The following RALA variants were observed in gnomAD, a reference collection of about 807,000 sequenced individuals.
The protein encoded by RALA is ras-related protein Ral-A.
Under a neutral mutation model 24.0 loss-of-function variants are expected in RALA, and 5 were observed. The ratio of observed to expected loss-of-function variants is 0.21; its 90% CI spans 0.11 to 0.44. The LOEUF is 0.44. Ranked by LOEUF, RALA falls within the 20% of genes least tolerant of loss-of-function variation. The pLI is 0.99. For synonymous variants in RALA, 77 were observed against 83.8 expected, an observed-to-expected ratio of 0.92 and a Z score of 0.44; for missense variants, 95 against 241.2, an observed-to-expected ratio of 0.39 and a Z score of 4.01.
At chr7:39,661,600 C>G (rs895896270) in intron 1 of RALA, among the ~76,000 whole-genome samples, 1 of 152,230 alleles carries the variant, frequency 6.6e-6, no homozygotes, top group Non-Finnish European at 1.5e-5. Flanking sequence ...TGTCTCACAT[C>G]CAGGTCACTC....
chr7:39,632,733 C>G (rs981653901), intron 1 of RALA, among the ~76,000 whole-genome samples: 8 of 152,192 alleles, frequency 5.3e-5, no homozygotes, highest in African/African-American at 1.7e-4. Flanking sequence ...GGGAGGATCA[C>G]TTGAGCCCAG....
intron 2 of RALA, 130 bp downstream of exon 2, chr7:39,686,911 T>A (rs1323961619): frequency 1.5e-6 from 1 of 651,638 alleles, no homozygotes. Context: ...TTCATTTTTG[T>A]GTTTAGAGCC....
intron 1 of RALA, among the ~76,000 whole-genome samples, chr7:39,633,592 A>T (rs1791634858): frequency 1.3e-5 from 2 of 152,194 alleles, no homozygotes; most frequent in African/African-American, 4.8e-5. Flanking sequence ...GGCGATTATA[A>T]TTCAAGATGA....
chr7:39,695,166 G>A (rs553215641), intron 3 of RALA, among the ~76,000 whole-genome samples: 95 of 151,656 alleles, frequency 6.3e-4, no homozygotes, highest in Middle Eastern at 6.8e-3. Context: ...AAATATAGTC[G>A]TCCCTCAGTA....
At chr7:39,635,198 A>G (rs903288369) in intron 1 of RALA, among the ~76,000 whole-genome samples, 1 of 152,098 alleles carries the variant, frequency 6.6e-6, no homozygotes, top group Non-Finnish European at 1.5e-5. Context: ...TTAGCCAAGC[A>G]TCTCTACAAA....
intron 1 of RALA, among the ~76,000 whole-genome samples, chr7:39,647,385 T>C (rs781238932): frequency 1.3e-5 from 2 of 152,172 alleles, no homozygotes; most frequent in Non-Finnish European, 2.9e-5. Flanking sequence ...TCTCCGCTCA[T>C]GAGGCTTACT....
chr7:39,662,638 A>G (rs1233879885), intron 1 of RALA, among the ~76,000 whole-genome samples: 3 of 152,078 alleles, frequency 2.0e-5, no homozygotes, highest in Non-Finnish European at 1.5e-5. Flanking sequence ...ATCTGAGACC[A>G]CCTCAGCCTG....
chr7:39,695,044 G>T (rs1208296659), intron 3 of RALA, among the ~76,000 whole-genome samples: 3 of 150,540 alleles, frequency 2.0e-5, no homozygotes, highest in Non-Finnish European at 4.4e-5. Flanking sequence ...GGGTGACAGA[G>T]TAAGACCCTG....
chr7:39,647,291 C>G (rs528618437), intron 1 of RALA, among the ~76,000 whole-genome samples: 1 of 152,304 alleles, frequency 6.6e-6, no homozygotes, highest in South Asian at 2.1e-4. Context: ...GGTACACCCC[C>G]CTTGATCTCC....
At chr7:39,684,748 A>G (rs1463609121) in intron 1 of RALA, among the ~76,000 whole-genome samples, 1 of 151,966 alleles carries the variant, frequency 6.6e-6, no homozygotes, top group East Asian at 1.9e-4. Flanking sequence ...AAGTTGCATA[A>G]TGTTTTAAGA....
intron 4 of RALA, among the ~76,000 whole-genome samples, chr7:39,698,785 T>C (rs996040355): frequency 1.3e-5 from 2 of 152,024 alleles, no homozygotes; most frequent in African/African-American, 4.8e-5. Context: ...CCCTGGGAAG[T>C]ATGGTGTCTG....
At chr7:39,624,287 GTTTGTTTGT>G (rs1791437449) in intron 1 of RALA, 1 of 139,772 alleles carries the variant, frequency 7.2e-6, no homozygotes, top group Non-Finnish European at 1.5e-5. Flanking sequence ...AGGGTTTTTT[GTTTGTTTGT>G]TTTGTTTGTT....
At chr7:39,684,018 G>C (rs1306179833) in intron 1 of RALA, among the ~76,000 whole-genome samples, 1 of 152,192 alleles carries the variant, frequency 6.6e-6, no homozygotes, top group Non-Finnish European at 1.5e-5. Context: ...ACTTCCTGAT[G>C]TATTTAGGAA....
At position 39,707,712 on chromosome 7, in the gene RALA, C is replaced by T. The variant is rs1793143884; in HGVS notation, c.*1467C>T. ...AGGTCAAAGATGTGTTCAGGCATTC[C>T]AGGTAACAGGTGTGTATGTAAAGTT... On this transcript the variant is annotated 3_prime_UTR_variant, in exon 5 of 5. Transcript: ENST00000005257. 6.6e-6 allele frequency: 1 copy of T among 152,486 alleles called. No individual in the cohort carries two copies. The highest frequency in any genetic ancestry group is 2.1e-4 in the South Asian group (1 of 4,828). The allele number at this position is 152,486 out of a possible 1,614,324, so 9.4% of individuals were successfully genotyped here. A position where few individuals can be genotyped will look rare whatever the true frequency, so the allele number is the denominator to read the frequency against.
At chr7:39,688,579 A>T (rs901038851) in intron 2 of RALA, among the ~76,000 whole-genome samples, 3 of 142,766 alleles carry the variant, frequency 2.1e-5, no homozygotes, top group African/African-American at 7.9e-5. Flanking sequence ...CACATGCCTA[A>T]TTTTTTTTTT....
At chr7:39,688,962 A>G (rs1792760924) in intron 2 of RALA, among the ~76,000 whole-genome samples, 1 of 151,830 alleles carries the variant, frequency 6.6e-6, no homozygotes, top group Admixed American at 6.6e-5. Context: ...CAGGGGAGGG[A>G]GAGAGAGAGA....
At chr7:39,666,490 C>G (rs185999238) in intron 1 of RALA, among the ~76,000 whole-genome samples, 1 of 152,246 alleles carries the variant, frequency 6.6e-6, no homozygotes, top group East Asian at 1.9e-4. Context: ...TGTCATTAAA[C>G]ATAGTTTCAG....
At position 39,635,738 on chromosome 7, in the gene RALA, A is replaced by T. The variant is rs550432076; in HGVS notation, c.-38+11913A>T. 2.6e-5 allele frequency among the ~76,000 whole-genome samples: 4 copies of T among 152,328 alleles called. No homozygotes were observed. The East Asian group carries it at 7.7e-4, about 29-fold the overall frequency. Reference sequence around the variant, plus strand: ...TAGATTGCTCAGGTGCACAGTTCACAATAAGGTTTGTACTCCTATGAGAAT... The same window carrying T: ...TAGATTGCTCAGGTGCACAGTTCACTATAAGGTTTGTACTCCTATGAGAAT... On this transcript the variant is annotated intron_variant, in intron 1 of 4. Coordinates refer to ENST00000005257, the MANE Select transcript of RALA (RefSeq NM_005402.4).
intron 3 of RALA, 54 bp downstream of exon 3, chr7:39,690,644 C>T: frequency 2.2e-6 from 3 of 1,387,958 alleles, no homozygotes; most frequent in Non-Finnish European, 3.0e-6. Flanking sequence ...CAATTTCTTC[C>T]CCAGAAACAA....
Sources: gnomAD v4.1 joint callset for allele counts (sites outside exome capture counted in the v4.1 genomes callset) on GRCh38, gnomAD v4.1.1 for gene constraint, MANE v1.5 for transcripts, NCBI Gene and HGNC (gene_info 2026-07-23, HGNC 2026-07-21) for gene names.